The following PALM2AKAP2 variants were observed in gnomAD, a reference collection of about 807,000 sequenced individuals.
The protein encoded by PALM2AKAP2 is PALM2 and AKAP2 fusion.
PALM2AKAP2 carries 37 observed loss-of-function variants against 71.5 expected under a neutral mutation model. The observed-to-expected ratio is 0.52, with a 90% confidence interval of 0.40 to 0.68. The LOEUF is 0.68. Ranked by LOEUF, PALM2AKAP2 falls within the 30% of genes least tolerant of loss-of-function variation. The pLI, the probability that PALM2AKAP2 is intolerant of heterozygous loss-of-function variation, is 0.00. For synonymous variants in PALM2AKAP2, 468 were observed against 478.8 expected, an observed-to-expected ratio of 0.98 and a Z score of 0.29; for missense variants, 1,224 against 1,191.8, an observed-to-expected ratio of 1.03 and a Z score of -0.40.
chr9:109,774,349 T>C (rs1343911642), intron 1 of PALM2AKAP2, among the ~76,000 whole-genome samples: 4 of 152,222 alleles, frequency 2.6e-5, no homozygotes, highest in African/African-American at 4.8e-5. Context: ...GAATTGTTTC[T>C]ACCACAGAGC....
chr9:110,127,594 C>G (rs1835638727), intron 1 of PALM2AKAP2: 1 of 152,280 alleles, frequency 6.6e-6, no homozygotes, highest in Non-Finnish European at 1.5e-5. Flanking sequence ...AGGCCCAAGT[C>G]TAACCCTCGC....
intron 3 of PALM2AKAP2, among the ~76,000 whole-genome samples, chr9:110,157,968 C>T (rs1159418684): frequency 1.3e-5 from 2 of 152,202 alleles, no homozygotes; most frequent in Non-Finnish European, 1.5e-5. Context: ...CTTTTGTTTA[C>T]ACCTGAACTG....
intron 7 of PALM2AKAP2, among the ~76,000 whole-genome samples, chr9:110,019,745 C>T (rs1368274254): frequency 6.6e-6 from 1 of 152,084 alleles, no homozygotes; most frequent in African/African-American, 2.4e-5. Context: ...AACTACTACA[C>T]ATGGGCATAA....
At chr9:109,735,399 A>G (rs541223490) in intron 1 of PALM2AKAP2, among the ~76,000 whole-genome samples, 18 of 151,944 alleles carry the variant, frequency 1.2e-4, no homozygotes, top group African/African-American at 4.3e-4. Context: ...GTCATGTTTC[A>G]AAGGCTTCCT....
chr9:109,782,043 C>G (rs927658228), intron 1 of PALM2AKAP2, among the ~76,000 whole-genome samples: 1 of 152,208 alleles, frequency 6.6e-6, no homozygotes, highest in Non-Finnish European at 1.5e-5. Flanking sequence ...AGGCTTCCAA[C>G]AGTTGTCACA....
intron 1 of PALM2AKAP2, among the ~76,000 whole-genome samples, chr9:109,759,649 T>G (rs1272050663): frequency 6.6e-6 from 1 of 152,170 alleles, no homozygotes; most frequent in African/African-American, 2.4e-5. Flanking sequence ...TTTAGGCCCA[T>G]TTTAAATGCG....
At chr9:109,646,899 T>G (rs1827163930) in intron 1 of PALM2AKAP2, among the ~76,000 whole-genome samples, 2 of 152,356 alleles carry the variant, frequency 1.3e-5, no homozygotes, top group South Asian at 2.1e-4. Context: ...TAAACAAATG[T>G]GTTTAGAAAT....
At chr9:109,997,693 G>A (rs1340626294) in intron 6 of PALM2AKAP2, among the ~76,000 whole-genome samples, 1 of 152,220 alleles carries the variant, frequency 6.6e-6, no homozygotes, top group Non-Finnish European at 1.5e-5. Flanking sequence ...GCAGAAGAGG[G>A]AGAGGGAATT....
intron 2 of PALM2AKAP2, among the ~76,000 whole-genome samples, chr9:110,146,286 C>T (rs956413837): frequency 6.6e-6 from 1 of 152,184 alleles, no homozygotes; most frequent in South Asian, 2.1e-4. Flanking sequence ...GGCAGCAGAA[C>T]TTTGGAAAAA....
intron 1 of PALM2AKAP2, among the ~76,000 whole-genome samples, chr9:109,751,367 A>C (rs1045534628): frequency 6.6e-6 from 1 of 152,146 alleles, no homozygotes; most frequent in Non-Finnish European, 1.5e-5. Flanking sequence ...TTGATTTTAC[A>C]GCTCTCCTGC....
Position 109,907,255 on chromosome 9 carries a change from G to T in PALM2AKAP2, c.258-16480G>T, listed in dbSNP as rs58607206. The stretch of plus-strand genomic sequence containing the variant: ...ATTCATATAGCTTCCTCCCTCATGA[G>T]ATGATGAATTTCTCAAAAGTAGAGA... On this transcript the variant is annotated intron_variant, in intron 3 of 9. Transcript: ENST00000302798. Among the ~76,000 whole-genome samples the T allele has an allele frequency of 6.4e-3, 976 of 152,308 alleles. 9 individuals are homozygous for T. Among genetic ancestry groups the T allele is most frequent in the African/African-American group, 0.022 (919 of 41,552 alleles).
intron 1 of PALM2AKAP2, among the ~76,000 whole-genome samples, chr9:109,786,666 G>A (rs1826976789): frequency 6.6e-6 from 1 of 152,164 alleles, no homozygotes; most frequent in Non-Finnish European, 1.5e-5. Context: ...GCCTTACCCA[G>A]CATGCATAAG....
chr9:110,107,603 G>A (rs1425443023), intron 1 of PALM2AKAP2, among the ~76,000 whole-genome samples: 2 of 152,192 alleles, frequency 1.3e-5, no homozygotes, highest in Non-Finnish European at 2.9e-5. Context: ...GTCTCACTCT[G>A]TTGCCCAGGC....
At chr9:110,028,128 T>C (rs1410138543) in intron 7 of PALM2AKAP2, among the ~76,000 whole-genome samples, 2 of 152,220 alleles carry the variant, frequency 1.3e-5, no homozygotes, top group South Asian at 2.1e-4. Flanking sequence ...TTATAATACA[T>C]GTCTTTGAGA....
At chr9:109,973,052 G>C (rs1832101438) in intron 6 of PALM2AKAP2, among the ~76,000 whole-genome samples, 1 of 151,930 alleles carries the variant, frequency 6.6e-6, no homozygotes, top group Non-Finnish European at 1.5e-5. Flanking sequence ...CCCTGGATAG[G>C]GTTTTTAGGA....
At chr9:109,851,046 G>A (rs1028549671) in intron 1 of PALM2AKAP2, among the ~76,000 whole-genome samples, 10 of 152,000 alleles carry the variant, frequency 6.6e-5, no homozygotes, top group South Asian at 2.1e-4. Context: ...GCATGGTGGC[G>A]GGCACCTGTA....
At chr9:109,915,224 A>G (rs1388531787) in intron 3 of PALM2AKAP2, among the ~76,000 whole-genome samples, 3 of 152,214 alleles carry the variant, frequency 2.0e-5, no homozygotes, top group Admixed American at 6.5e-5. Context: ...GATGGGCCTA[A>G]GTGTCCCAAG....
exon 2 of PALM2AKAP2, chr9:110,138,202 G>A (rs888451902): frequency 6.2e-7 from 1 of 1,611,228 alleles, no homozygotes; most frequent in East Asian, 2.2e-5. Context: ...GGGAAAGGGG[G>A]CCCCCCCAGC....
chr9:110,076,996 G>A (rs573285456), intron 1 of PALM2AKAP2, among the ~76,000 whole-genome samples: 24 of 152,280 alleles, frequency 1.6e-4, no homozygotes, highest in Admixed American at 1.2e-3. Flanking sequence ...CAGGACCGGC[G>A]TTTGTCTCAA....
Sources: gnomAD v4.1 joint callset for allele counts (sites outside exome capture counted in the v4.1 genomes callset) on GRCh38, gnomAD v4.1.1 for gene constraint, MANE v1.5 for transcripts, NCBI Gene and HGNC (gene_info 2026-07-23, HGNC 2026-07-21) for gene names.